CELSR1: variants seen among roughly 807,000 people sequenced by gnomAD.
The protein encoded by CELSR1 is adhesion G protein-coupled receptor C1.
A neutral mutation model predicts 249.1 loss-of-function variants in CELSR1; 110 were observed. The ratio of observed to expected loss-of-function variants is 0.44; its 90% confidence interval spans 0.38 to 0.52. The LOEUF (loss-of-function observed/expected upper bound fraction) is 0.52. Ranked by LOEUF, CELSR1 falls within the 20% of genes least tolerant of loss-of-function variation. The probability of loss-of-function intolerance (pLI) is 0.00; values close to 1 mark genes in which losing one functional copy is unlikely to be tolerated. For synonymous variants in CELSR1, 2,113 were observed against 1,900.0 expected (o/e 1.11, Z -2.92); for missense variants, 4,109 against 4,296.4 (o/e 0.96, Z 1.22).
At position 46,399,715 on chromosome 22, in the gene CELSR1, A is replaced by T; in HGVS notation, c.5412+2T>A. On this transcript the variant is annotated splice_donor_variant, in intron 10 of 34. Coordinates refer to ENST00000674500, the MANE Select transcript of CELSR1 (RefSeq NM_001378328.1). LOFTEE classifies it high-confidence loss of function. This position sits in a 1 kb window ranked among gnomAD's most constrained non-coding sequence, Gnocchi z 5.0. ...CCAGAGGAGGTGCAGGTGCCAGCTC[A>T]CCTGGTCCATCCCATAGTCCAAGGT... is the stretch of plus-strand genomic sequence containing the variant. The T allele has an allele frequency of 6.2e-7, 1 of 1,613,842 alleles. No homozygotes were observed. Among genetic ancestry groups the T allele is most frequent in the Non-Finnish European group, 8.5e-7 (1 of 1,179,772 alleles).
chr22:46,397,478 A>G (rs557662920), intron 12 of CELSR1, among the ~76,000 whole-genome samples, 196 bp downstream of exon 12: 3 of 151,406 alleles, frequency 2.0e-5, no homozygotes, highest in Non-Finnish European at 4.4e-5. Flanking sequence ...CGCCTGGGGC[A>G]CTCTGTGCCT....
Position 46,366,386 on chromosome 22 carries a change from C to T in CELSR1, c.8300G>A (p.Arg2767Lys). 6.5e-7 allele frequency: 1 copy of T among 1,547,708 alleles called. No homozygotes were observed. ...CCCGAACCCGGAGCTGCGGCCTGACCTGACGATGCTGTCCAGCGAGGCGGT... is the reference window on the plus strand; with the variant it reads ...CCCGAACCCGGAGCTGCGGCCTGACTTGACGATGCTGTCCAGCGAGGCGGT... ...ESTASLDSIV[R>K]DEGIQKLGVS... Residue 2767 changes from arginine to lysine, a missense_variant and splice_region_variant, in exon 30 of 35, where the codon AGG (arginine) becomes AAG (lysine). By Grantham distance (26) the Arg-to-Lys change is conservative (BLOSUM62 2). Around this residue, in one of 7 missense-constraint regions of CELSR1, gnomAD observed 1,805 missense variants for 1,831.6 expected, o/e 0.99. Transcript: ENST00000674500.
Position 46,464,342 on chromosome 22 carries a change from C to T in CELSR1, c.3548G>A (p.Gly1183Asp), listed in dbSNP as rs1205989769. The change falls in exon 2 of 35, where the codon GGC becomes GAC. Residue 1183 changes from glycine (G) to aspartate (D), a missense_variant. Physicochemically the swap from Gly to Asp is moderately conservative, Grantham distance 94. Around this residue, in one of 7 missense-constraint regions of CELSR1, gnomAD observed 886 missense variants for 896.5 expected, o/e 0.99. Transcript: ENST00000674500. The surrounding 1 kb of genome is among the most constrained non-coding windows in gnomAD (Gnocchi z 8.5). ...GCAGAAGGCCGTGACGCTGTGGATG[C>T]CATCTGCAGACACAAGGAAAGTCAG... ...EALMEVSVSD[G>D]IHSVTAFCTL... The T allele has an allele frequency of 1.2e-6, 2 of 1,607,636 alleles. No individual in the cohort carries two copies. Among genetic ancestry groups the T allele is most frequent in the Admixed American group, 3.3e-5 (2 of 59,876 alleles).
rs2079674329 is a variant in CELSR1 at position 46,437,323 on chromosome 22, A to G, written c.4407-1034T>C. Among the ~76,000 whole-genome samples, 1 of 152,164 alleles carries G rather than the reference A, an allele frequency of 6.6e-6. No individual in the cohort carries two copies. ...TGAGTGAGCTTGGGACTGGCTCCTG[A>G]GCTGGCTGGGTGTCTCCACCATCAG... On this transcript the variant is annotated intron_variant, in intron 3 of 34. Transcript: ENST00000674500. The surrounding 1 kb of genome is among the most constrained non-coding windows in gnomAD (Gnocchi z 4.9).
chr22:46,451,257 C>T (rs1197636663), intron 2 of CELSR1, among the ~76,000 whole-genome samples: 4 of 152,208 alleles, frequency 2.6e-5, no homozygotes, highest in East Asian at 1.9e-4. Context: ...CCCAGACCCC[C>T]GCCCCACAAG....
intron 2 of CELSR1, among the ~76,000 whole-genome samples, chr22:46,449,265 A>G (rs1246383118): frequency 6.7e-6 from 1 of 149,398 alleles, no homozygotes; most frequent in Non-Finnish European, 1.5e-5. Flanking sequence ...GCATCAACCC[A>G]CCCATCCAAC....
At chr22:46,383,716 A>C (rs1397270910) in intron 20 of CELSR1, among the ~76,000 whole-genome samples, 1 of 151,940 alleles carries the variant, frequency 6.6e-6, no homozygotes, top group Non-Finnish European at 1.5e-5. Context: ...TCTTTAGTAG[A>C]GATGGAGTTT....
At chr22:46,516,180 C>G (rs1205060412) in intron 1 of CELSR1, among the ~76,000 whole-genome samples, 1 of 152,180 alleles carries the variant, frequency 6.6e-6, no homozygotes, top group African/African-American at 2.4e-5. Flanking sequence ...CGGCACTACT[C>G]ACAATAGCAA....
chr22:46,523,759 A>G (rs974319661), intron 1 of CELSR1, among the ~76,000 whole-genome samples: 13 of 151,990 alleles, frequency 8.6e-5, no homozygotes, highest in Non-Finnish European at 1.6e-4. Flanking sequence ...AGGCTCCCCA[A>G]ATAAGAGCCT....
intron 1 of CELSR1, among the ~76,000 whole-genome samples, chr22:46,491,638 T>TC (rs1555929158): frequency 0.16 from 8,812 of 55,408 alleles, 913 homozygotes; most frequent in African/African-American, 0.27. Context: ...TCTCTCTCTC[T>TC]TTTTTTTTTT....
rs183286943 is a variant in CELSR1 at position 46,393,054 on chromosome 22, G to T, written c.5964+1088C>A. Among the ~76,000 whole-genome samples, 4 of 152,190 alleles carry T rather than the reference G, an allele frequency of 2.6e-5. No homozygotes were observed. In the East Asian group the frequency reaches 5.8e-4, roughly 22 times the overall value. ...CTGTTGGAACCACCGCAGGCACTGGGGGGGGACACTACTGACATCACGAGA... is the reference window on the plus strand; with the variant it reads ...CTGTTGGAACCACCGCAGGCACTGGTGGGGGACACTACTGACATCACGAGA... On this transcript the variant is annotated intron_variant, in intron 14 of 34. Coordinates refer to ENST00000674500, the MANE Select transcript of CELSR1 (RefSeq NM_001378328.1). The surrounding 1 kb of genome is among the most constrained non-coding windows in gnomAD (Gnocchi z 4.1).
intron 1 of CELSR1, among the ~76,000 whole-genome samples, chr22:46,504,319 C>T (rs964199809): frequency 2.0e-5 from 3 of 151,894 alleles, no homozygotes; most frequent in African/African-American, 7.3e-5. Context: ...TGAGATCAGC[C>T]TGGTCAATAT....
Position 46,391,319 on chromosome 22 carries a change from G to T in CELSR1, c.6149-32C>A. The T allele has an allele frequency of 6.3e-7, 1 of 1,588,404 alleles. No individual in the cohort carries two copies. Among genetic ancestry groups the T allele is most frequent in the Non-Finnish European group, 8.6e-7 (1 of 1,158,762 alleles). ...TAGAGAAGAGAGAAGTCTGCTCAGC[G>T]GGGCACGCCACACCCACGACCACAA... On this transcript the variant is annotated intron_variant, in intron 15 of 34. Coordinates refer to ENST00000674500, the MANE Select transcript of CELSR1 (RefSeq NM_001378328.1). The surrounding 1 kb of genome is among the most constrained non-coding windows in gnomAD (Gnocchi z 4.3).
At chr22:46,424,303 T>C (rs1178167049) in intron 5 of CELSR1, among the ~76,000 whole-genome samples, 6 of 151,998 alleles carry the variant, frequency 3.9e-5, no homozygotes, top group Admixed American at 3.9e-4. Context: ...GATCTTGAAC[T>C]CCTGGGCTCA....
At chr22:46,462,277 C>T (rs1254841776) in intron 2 of CELSR1, among the ~76,000 whole-genome samples, 1 of 152,218 alleles carries the variant, frequency 6.6e-6, no homozygotes, top group Admixed American at 6.5e-5. Context: ...ACACTGCCTT[C>T]CTTCCACCTG....
intron 29 of CELSR1, 119 bp from the exon 30 acceptor site, chr22:46,366,599 T>C: frequency 2.5e-6 from 2 of 816,048 alleles, no homozygotes; most frequent in East Asian, 5.3e-5. Context: ...GGCCCCTGCC[T>C]GGCACACAGG....
rs759482920 is a variant in CELSR1, at chr22:46,397,665, C to A, written c.5701+9G>T. On this transcript the variant is annotated intron_variant, in intron 12 of 34. Coordinates refer to ENST00000674500, the MANE Select transcript of CELSR1 (RefSeq NM_001378328.1). The stretch of plus-strand genomic sequence containing the variant: ...CTGTCACTGAAGGGCCCCGGGAGGG[C>A]GGTCCCACCTTTGTCACAGACGCAG... The A allele has an allele frequency of 6.8e-7, 1 of 1,474,850 alleles. No homozygotes were observed. The highest frequency in any genetic ancestry group is 1.4e-5 in the South Asian group (1 of 73,630). The allele number at this position is 1,474,850 out of a possible 1,614,324, so 91.4% of individuals were successfully genotyped here. A position where few individuals can be genotyped will look rare whatever the true frequency, so the allele number is the denominator to read the frequency against.
intron 2 of CELSR1, among the ~76,000 whole-genome samples, chr22:46,442,299 C>T (rs2079760534): frequency 6.6e-6 from 1 of 152,284 alleles, no homozygotes; most frequent in Non-Finnish European, 1.5e-5. Flanking sequence ...CGCCTCCCGG[C>T]CCAGTTCCAC....
In CELSR1 at chr22:46,536,885, T is replaced by C. The variant is rs950847508; in HGVS notation, c.286A>G (p.Ser96Gly). 2.4e-6 allele frequency: 3 copies of C among 1,226,362 alleles called. No individual in the cohort carries two copies. The highest frequency in any genetic ancestry group is 1.0e-6 in the Non-Finnish European group (1 of 979,320). The allele number at this position is 1,226,362 out of a possible 1,614,324, so 76.0% of individuals were successfully genotyped here. A position where few individuals can be genotyped will look rare whatever the true frequency, so the allele number is the denominator to read the frequency against. The stretch of plus-strand genomic sequence containing the variant: ...CGGCGGCTCAGCGCCGTCGGGGCAC[T>C]GCGGGCCACCAAGCGGACTTGCAGC... The part of the protein sequence containing the change: ...LPLQVRLVAR[S>G]APTALSRRLR... The change falls in exon 1 of 35, where the codon AGT (serine) becomes GGT (glycine). Residue 96 changes from serine to glycine, a missense_variant. Ser to Gly is a moderately conservative substitution (Grantham distance 56). Transcript: ENST00000674500.
Sources: gnomAD v4.1 joint callset for allele counts (sites outside exome capture counted in the v4.1 genomes callset) on GRCh38, gnomAD v4.1.1 for gene constraint, gnomAD v4.1.1 regional missense constraint, Gnocchi (gnomAD v3.1) non-coding constraint, MANE v1.5 for transcripts, NCBI Gene and HGNC (gene_info 2026-07-23, HGNC 2026-07-21) for gene names.